NLRP12: variants seen among roughly 807,000 people sequenced by gnomAD.
NLRP12 encodes the protein NLR family pyrin domain containing 12, also known as NACHT, LRR and PYD domains-containing protein 12.
A neutral mutation model predicts 91.2 loss-of-function variants in NLRP12; 108 were observed. That is an observed-to-expected ratio of 1.18 (90% CI 1.01 to 1.39). The LOEUF (loss-of-function observed/expected upper bound fraction) is 1.39, where lower values mean the gene tolerates loss of function less well. Ranked by LOEUF, NLRP12 falls within the 40% of genes most tolerant of loss-of-function variation. The probability of loss-of-function intolerance (pLI) is 0.00; values close to 1 mark genes in which losing one functional copy is unlikely to be tolerated. For missense variants in NLRP12, 1,530 were observed against 1,352.7 expected (o/e 1.13, Z -2.06); for synonymous variants, 613 against 566.7 (o/e 1.08, Z -1.16).
chr19:53,813,887 G>T (rs901986647), intron 2 of NLRP12, among the ~76,000 whole-genome samples: 1 of 151,308 alleles, frequency 6.6e-6, no homozygotes, highest in Non-Finnish European at 1.5e-5. Flanking sequence ...TGTAGAGATG[G>T]GGTCTTGCTT....
intron 2 of NLRP12, among the ~76,000 whole-genome samples, chr19:53,811,740 T>C (rs763004897): frequency 2.6e-4 from 39 of 151,640 alleles, no homozygotes; most frequent in Admixed American, 1.1e-3. Flanking sequence ...CTAATTTTTG[T>C]ATTTTTAGTA....
At chr19:53,802,215 G>C (rs1176254502) in intron 6 of NLRP12, among the ~76,000 whole-genome samples, 1 of 151,414 alleles carries the variant, frequency 6.6e-6, no homozygotes, top group Non-Finnish European at 1.5e-5. Flanking sequence ...CAACAAGAGT[G>C]GAACTCCATC....
At chr19:53,801,526 A>G (rs1210106803) in intron 6 of NLRP12, 129 bp from the exon 7 acceptor site, 3 of 1,261,354 alleles carry the variant, frequency 2.4e-6, no homozygotes, top group Non-Finnish European at 3.2e-6. Context: ...ATCTCGGCTC[A>G]GCTGCATCCT....
intron 7 of NLRP12, among the ~76,000 whole-genome samples, chr19:53,800,586 C>G (rs989562478): frequency 8.1e-6 from 1 of 122,986 alleles, no homozygotes; most frequent in Non-Finnish European, 1.7e-5. Context: ...AAAACCCCCC[C>G]CTTTTTTTTT....
At chr19:53,819,776 G>C (rs1420780487) in intron 1 of NLRP12, among the ~76,000 whole-genome samples, 1 of 150,602 alleles carries the variant, frequency 6.6e-6, no homozygotes, top group Non-Finnish European at 1.5e-5. Context: ...GAGTGCAGTG[G>C]CGGGATCTTG....
intron 1 of NLRP12, among the ~76,000 whole-genome samples, chr19:53,820,853 A>C (rs1359450509): frequency 6.6e-6 from 1 of 150,632 alleles, no homozygotes; most frequent in Non-Finnish European, 1.5e-5. Context: ...GCGCCCAGCT[A>C]ATTTTTTGTA....
chr19:53,797,488 C>T (rs1420241690), intron 8 of NLRP12, among the ~76,000 whole-genome samples: 1 of 151,986 alleles, frequency 6.6e-6, no homozygotes, highest in Non-Finnish European at 1.5e-5. Context: ...GGCATGATCT[C>T]AGCTCACTGT....
intron 7 of NLRP12, among the ~76,000 whole-genome samples, chr19:53,800,119 T>G (rs1282807255): frequency 6.6e-6 from 1 of 151,964 alleles, no homozygotes; most frequent in Non-Finnish European, 1.5e-5. Context: ...GCTAACACGG[T>G]GAAACCCCAT....
rs201439784 is a variant in NLRP12, at chr19:53,807,591, A to G, written c.2147T>C (p.Ile716Thr). ...AAALCTNPNL[I>T]ELSLYRNALG... Reference sequence around the variant, plus strand: ...GGCATTTCGGTACAGAGACAGCTCTATCAGGTTTGGATTGGTGCACAGGGC... The same window carrying G: ...GGCATTTCGGTACAGAGACAGCTCTGTCAGGTTTGGATTGGTGCACAGGGC... Residue 716 changes from isoleucine (I) to threonine (T), a missense_variant, in exon 4 of 10, where the codon ATA becomes ACA. By Grantham distance (89) the Ile-to-Thr change is moderately conservative (BLOSUM62 -1). Coordinates refer to ENST00000324134, the MANE Select transcript of NLRP12 (RefSeq NM_144687.4). 317 of 1,613,956 alleles carry G rather than the reference A, an allele frequency of 2.0e-4. No homozygotes were observed. The highest frequency in any genetic ancestry group is 3.3e-4 in the Middle Eastern group (2 of 6,084).
At chr19:53,813,948 G>A (rs2092119361) in intron 2 of NLRP12, among the ~76,000 whole-genome samples, 1 of 152,078 alleles carries the variant, frequency 6.6e-6, no homozygotes, top group South Asian at 2.1e-4. Flanking sequence ...AGGGATTACA[G>A]GCGTGAGCCA....
Position 53,794,015 on chromosome 19 carries a change from C to T in NLRP12, c.*34G>A. 2 of 1,466,512 alleles carry T rather than the reference C, an allele frequency of 1.4e-6. No homozygotes were observed. Among genetic ancestry groups the T allele is most frequent in the East Asian group, 4.5e-5 (2 of 44,190 alleles). The allele number at this position is 1,466,512 out of a possible 1,614,324, so 90.8% of individuals were successfully genotyped here. On this transcript the variant is annotated 3_prime_UTR_variant, in exon 10 of 10. Coordinates refer to ENST00000324134, the MANE Select transcript of NLRP12 (RefSeq NM_144687.4). Reference sequence around the variant, plus strand: ...GAGCACCCTCCCATCTTCCTCTGTCCAGATCTCAGGGGAGAGCCAGCAGAT... The same window carrying T: ...GAGCACCCTCCCATCTTCCTCTGTCTAGATCTCAGGGGAGAGCCAGCAGAT...
Position 53,811,051 on chromosome 19 carries a change from T to A in NLRP12, c.608A>T (p.Asp203Val), listed in dbSNP as rs773623667. Reference sequence around the variant, plus strand: ...GCGCGGTGGCTCGGGGCGCTCCTCGTCTGGCTCAAAGAGGGTCTCTATCTT... The same window carrying A: ...GCGCGGTGGCTCGGGGCGCTCCTCGACTGGCTCAAAGAGGGTCTCTATCTT... ...PIKIETLFEP[D>V]EERPEPPRTV... Residue 203 changes from aspartate to valine, a missense_variant, in exon 3 of 10, where the codon GAC (aspartate) becomes GTC (valine). Asp to Val is a radical substitution (Grantham distance 152). Transcript: ENST00000324134. 1 of 1,612,644 alleles carries A rather than the reference T, an allele frequency of 6.2e-7. No individual in the cohort carries two copies. The highest frequency in any genetic ancestry group is 1.1e-5 in the South Asian group (1 of 91,064).
Position 53,810,030 on chromosome 19 carries a change from C to G in NLRP12, c.1629G>C (p.Arg543Ser). 1.2e-6 allele frequency: 2 copies of G among 1,614,116 alleles called. No homozygotes were observed. Among genetic ancestry groups the G allele is most frequent in the African/African-American group, 1.3e-5 (1 of 75,032 alleles). Residue 543 changes from arginine to serine, a missense_variant, in exon 3 of 10, where the codon AGG (arginine) becomes AGC (serine). Transcript: ENST00000324134. Reference protein sequence around the residue: ...GGAGPDQDVTRLLTEYAFSER... With the variant: ...GGAGPDQDVTSLLTEYAFSER... ...CAGAAAACGCGTACTCGGTCAACAGCCTGGTCACGTCCTGGTCTGGGCCTG... is the reference window on the plus strand; with the variant it reads ...CAGAAAACGCGTACTCGGTCAACAGGCTGGTCACGTCCTGGTCTGGGCCTG...
rs758354803 is a variant in NLRP12 at position 53,810,465 on chromosome 19, G to A, written c.1194C>T (p.Phe398=). The A allele has an allele frequency of 3.7e-6, 6 of 1,614,032 alleles. No individual in the cohort carries two copies. Among genetic ancestry groups the A allele is most frequent in the Non-Finnish European group, 3.4e-6 (4 of 1,180,046 alleles). ...FNYVRDNEPL[F]TMCFVPLVCW... Reference sequence around the variant, plus strand: ...ACACCAGGGGGACGAAGCACATGGTGAAGAGAGGCTCGTTGTCCCTCACGT... The same window carrying A: ...ACACCAGGGGGACGAAGCACATGGTAAAGAGAGGCTCGTTGTCCCTCACGT... The change falls in exon 3 of 10, where the codon TTC becomes TTT. Residue 398 remains phenylalanine (F), a synonymous_variant. Coordinates refer to ENST00000324134, the MANE Select transcript of NLRP12 (RefSeq NM_144687.4).
chr19:53,809,747 C>T lies in NLRP12; in HGVS notation c.1912G>A (p.Val638Ile), dbSNP rs992179891. Reference sequence around the variant, plus strand: ...TCCATCTTGGAGGCAATGTTGCTGACCACGATCACCTGGAAGTGGCTCAGG... The same window carrying T: ...TCCATCTTGGAGGCAATGTTGCTGATCACGATCACCTGGAAGTGGCTCAGG... The part of the protein sequence containing the change: ...QALSHFQVIV[V>I]SNIASKMEHM... Residue 638 changes from valine (V) to isoleucine (I), a missense_variant, in exon 3 of 10, where the codon GTC (valine) becomes ATC (isoleucine). Coordinates refer to ENST00000324134, the MANE Select transcript of NLRP12 (RefSeq NM_144687.4). The T allele has an allele frequency of 7.4e-6, 12 of 1,614,146 alleles. No homozygotes were observed. Among genetic ancestry groups the T allele is most frequent in the Non-Finnish European group, 1.0e-5 (12 of 1,180,028 alleles).
chr19:53,806,639 C>T (rs963640665), intron 4 of NLRP12, among the ~76,000 whole-genome samples: 13 of 144,216 alleles, frequency 9.0e-5, no homozygotes, highest in Non-Finnish European at 1.8e-4. Flanking sequence ...CGAGATCACG[C>T]TACTGCACTC....
intron 3 of NLRP12, among the ~76,000 whole-genome samples, 188 bp downstream of exon 3, chr19:53,809,399 C>T (rs1600704916): frequency 1.4e-5 from 2 of 142,466 alleles, no homozygotes; most frequent in Non-Finnish European, 1.5e-5. Flanking sequence ...GGCGTGGTGG[C>T]GTGCACCTGT....
intron 1 of NLRP12, among the ~76,000 whole-genome samples, chr19:53,818,867 G>A (rs915107174): frequency 4.6e-5 from 7 of 152,056 alleles, no homozygotes; most frequent in African/African-American, 1.4e-4. Flanking sequence ...CAAGTGTCTC[G>A]AGAGACTCTT....
Position 53,821,780 on chromosome 19 carries a change from A to G in NLRP12, c.289+2106T>C, listed in dbSNP as rs537130755. 1.1e-4 allele frequency among the ~76,000 whole-genome samples: 17 copies of G among 152,276 alleles called. No homozygotes were observed. The South Asian group carries it at 2.3e-3, about 20-fold the overall frequency. ...TCAGAAGGAGTGGGGGAAGAGGAGT[A>G]AATACTTTACTTTAGAGAAGGTAGT... is the stretch of plus-strand genomic sequence containing the variant. On this transcript the variant is annotated intron_variant, in intron 1 of 9. Transcript: ENST00000324134.
Sources: allele counts gnomAD v4.1 joint callset (sites outside exome capture counted in the v4.1 genomes callset), GRCh38; gene constraint gnomAD v4.1.1; transcripts MANE v1.5; gene names NCBI Gene and HGNC (gene_info 2026-07-23, HGNC 2026-07-21).